ADGRG2: variants seen among roughly 807,000 people sequenced by gnomAD.
ADGRG2 encodes adhesion G protein-coupled receptor G2, also known as G protein-coupled receptor 64.
ADGRG2 carries 26 observed loss-of-function variants against 74.1 expected under a neutral mutation model. That is an observed-to-expected ratio of 0.35 (90% confidence interval 0.26 to 0.49). The LOEUF (loss-of-function observed/expected upper bound fraction) is 0.49. ADGRG2 is among the 20% of genes least tolerant of loss of function. ADGRG2 has a pLI of 0.99. For synonymous variants in ADGRG2, 296 were observed against 295.2 expected (o/e 1.00, Z -0.03); for missense variants, 619 against 763.1 (o/e 0.81, Z 2.22).
intron 1 of ADGRG2, among the ~76,000 whole-genome samples, chrX:19,105,776 T>C (rs913067987): frequency 1.8e-5 from 2 of 108,751 alleles, no homozygotes; most frequent in Non-Finnish European, 3.8e-5. Context: ...ACCCCGTCTC[T>C]ACTAAAAATA....
chrX:19,014,389 G>A (rs1377170621), intron 15 of ADGRG2, among the ~76,000 whole-genome samples: 5 of 111,506 alleles, frequency 4.5e-5, no homozygotes, highest in African/African-American at 1.3e-4. Flanking sequence ...CTGTGCTCCC[G>A]GGTGAGGGGA....
intron 2 of ADGRG2, among the ~76,000 whole-genome samples, chrX:19,070,821 T>C (rs1378781892): frequency 8.9e-6 from 1 of 111,945 alleles, no homozygotes; most frequent in Non-Finnish European, 1.9e-5. Flanking sequence ...TGAGTGACTG[T>C]GGACAAGTTA....
At chrX:19,011,429 T>C (rs918306915) in intron 16 of ADGRG2, among the ~76,000 whole-genome samples, 1 of 112,561 alleles carries the variant, frequency 8.9e-6, no homozygotes, top group Non-Finnish European at 1.9e-5. Flanking sequence ...ATCTAAAAAA[T>C]ATAAAGCACA....
At chrX:19,019,955 T>G (rs910910901) in intron 14 of ADGRG2, among the ~76,000 whole-genome samples, 1 of 111,509 alleles carries the variant, frequency 9.0e-6, no homozygotes, top group Non-Finnish European at 1.9e-5. Context: ...TTGGAGGACA[T>G]GATGTTAAGT....
In ADGRG2 at chrX:18,994,907, G is replaced by A; in HGVS notation, c.2858C>T (p.Ala953Val). Residue 953 changes from alanine to valine, a missense_variant, in exon 28 of 29, where the codon GCA becomes GTA. Physicochemically the swap from Ala to Val is moderately conservative, Grantham distance 64. Coordinates refer to ENST00000379869, the MANE Select transcript of ADGRG2 (RefSeq NM_001079858.3). ...LLVNNDCSVH[A>V]SGNGNASTER... ...TGAGACATACATACCATTCCCGCTT[G>A]CGTGTACTGAGCAATCATTATTCAC... 8.3e-7 allele frequency: 1 copy of A among 1,198,622 alleles called. No individual in the cohort carries two copies. The highest frequency in any genetic ancestry group is 3.0e-5 in the East Asian group (1 of 33,674).
At chrX:19,112,074 T>A (rs952312541) in intron 1 of ADGRG2, among the ~76,000 whole-genome samples, 17 of 109,038 alleles carry the variant, frequency 1.6e-4, no homozygotes, top group Non-Finnish European at 2.9e-4. Flanking sequence ...ATTATTATTA[T>A]TATTATTATT....
chrX:19,020,967 G>C, intron 14 of ADGRG2, 137 bp downstream of exon 14: 1 of 463,966 alleles, frequency 2.2e-6, no homozygotes, highest in Non-Finnish European at 3.7e-6. Flanking sequence ...AAAAAAAAGA[G>C]AGAGAAATTG....
chrX:19,102,668 G>C (rs2062209541), intron 1 of ADGRG2, among the ~76,000 whole-genome samples: 1 of 110,688 alleles, frequency 9.0e-6, no homozygotes, highest in Non-Finnish European at 1.9e-5. Context: ...CTGTGGACTT[G>C]TGTGTCCCTC....
At chrX:19,027,832 G>C (rs1023954558) in intron 10 of ADGRG2, among the ~76,000 whole-genome samples, 2 of 112,223 alleles carry the variant, frequency 1.8e-5, no homozygotes, top group Non-Finnish European at 3.8e-5. Flanking sequence ...ATGGGGCAAA[G>C]AGAATCACAT....
intron 3 of ADGRG2, among the ~76,000 whole-genome samples, chrX:19,060,542 CTTTT>C (rs58196298): frequency 2.3e-5 from 2 of 87,091 alleles, no homozygotes. Context: ...GGCAGGTATT[CTTTT>C]TTTTTTTTTT....
chrX:19,095,102 G>A (rs768954926), intron 1 of ADGRG2, among the ~76,000 whole-genome samples: 2 of 111,923 alleles, frequency 1.8e-5, no homozygotes, highest in South Asian at 3.8e-4. Context: ...TCCCGCAGGC[G>A]TCTGGACGCT....
In ADGRG2 at chrX:18,990,996, A is replaced by C; in HGVS notation, c.2922T>G (p.Asp974Glu). The change falls in exon 29 of 29, where the codon GAT becomes GAG. Residue 974 changes from aspartate to glutamate, a missense_variant. By Grantham distance (45) the Asp-to-Glu change is conservative (BLOSUM62 2). Around this residue, in one of 3 missense-constraint regions of ADGRG2, gnomAD observed 106 missense variants for 104.5 expected, o/e 1.01. Transcript: ENST00000379869. ...TTCCAGTGAAATCGTGAAGGCACAC[A>C]TCTCCATTCTGAACACTAAAAGAGA... ...NGVSFSVQNG[D>E]VCLHDFTGKQ... 8.3e-7 allele frequency: 1 copy of C among 1,202,881 alleles called. No homozygotes were observed. Among genetic ancestry groups the C allele is most frequent in the Non-Finnish European group, 1.1e-6 (1 of 887,977 alleles).
intron 2 of ADGRG2, among the ~76,000 whole-genome samples, chrX:19,081,383 G>A (rs1384757784): frequency 1.8e-5 from 2 of 111,872 alleles, no homozygotes; most frequent in Non-Finnish European, 3.8e-5. Context: ...CTGCAGGGCT[G>A]GGGCAGGGAT....
At chrX:19,111,836 C>T (rs1159437592) in intron 1 of ADGRG2, among the ~76,000 whole-genome samples, 1 of 110,797 alleles carries the variant, frequency 9.0e-6, no homozygotes, top group Non-Finnish European at 1.9e-5. Context: ...AAGTCCTTTA[C>T]AATTTGTGCA....
At chrX:19,089,742 C>T (rs1239203696) in intron 1 of ADGRG2, among the ~76,000 whole-genome samples, 1 of 111,545 alleles carries the variant, frequency 9.0e-6, no homozygotes, top group Non-Finnish European at 1.9e-5. Flanking sequence ...TTGCTCCAAC[C>T]AAGAGCTGGC....
chrX:19,063,500 T>A (rs945804905), intron 3 of ADGRG2, among the ~76,000 whole-genome samples: 3 of 112,301 alleles, frequency 2.7e-5, no homozygotes, highest in African/African-American at 9.7e-5. Flanking sequence ...AGTTTCTTTG[T>A]CTGTAAACCG....
At chrX:19,060,500 G>A (rs2146870151) in intron 3 of ADGRG2, among the ~76,000 whole-genome samples, 1 of 108,099 alleles carries the variant, frequency 9.3e-6, no homozygotes, top group Admixed American at 1.0e-4. Flanking sequence ...TGTGCCCCCA[G>A]ACCAATAATG....
intron 11 of ADGRG2, among the ~76,000 whole-genome samples, chrX:19,025,617 T>C (rs73445611): frequency 0.048 from 5,282 of 111,035 alleles, 319 homozygotes; most frequent in African/African-American, 0.16. Flanking sequence ...AAGTTTTGGC[T>C]GGGCACGGTG....
chrX:19,027,391 T>C, intron 10 of ADGRG2, 117 bp from the exon 11 acceptor site: 1 of 517,785 alleles, frequency 1.9e-6, no homozygotes, highest in African/African-American at 2.3e-5. Flanking sequence ...CCCCAAAGAC[T>C]GAATCCTAAC....
Sources: gnomAD v4.1 joint callset for allele counts (sites outside exome capture counted in the v4.1 genomes callset) on GRCh38, gnomAD v4.1.1 for gene constraint, gnomAD v4.1.1 regional missense constraint, MANE v1.5 for transcripts, NCBI Gene and HGNC (gene_info 2026-07-23, HGNC 2026-07-21) for gene names.